The following COL21A1 variants were observed in gnomAD, a reference collection of about 807,000 sequenced individuals.
The protein encoded by COL21A1 is collagen alpha-1(XXI) chain.
COL21A1 carries 149 observed loss-of-function variants against 137.9 expected under a neutral mutation model. The observed-to-expected ratio is 1.08, with a 90% CI of 0.95 to 1.24. The LOEUF (loss-of-function observed/expected upper bound fraction) is 1.24, where lower values mean the gene tolerates loss of function less well. Among genes scored for constraint, COL21A1 ranks in the 50% most tolerant of loss-of-function variants. The pLI is 0.00. For missense variants in COL21A1, 1,167 were observed against 1,158.4 expected, an observed-to-expected ratio of 1.01 and a Z score of -0.11; for synonymous variants, 456 against 391.5, an observed-to-expected ratio of 1.16 and a Z score of -1.95.
intron 17 of COL21A1, 131 bp from the exon 18 acceptor site, chr6:56,077,704 C>A: frequency 1.8e-6 from 1 of 569,872 alleles, no homozygotes; most frequent in Non-Finnish European, 3.0e-6. Flanking sequence ...TATAATATTG[C>A]TATTTGTAAT....
At chr6:56,348,015 C>T (rs1765632138) in intron 1 of COL21A1, among the ~76,000 whole-genome samples, 1 of 152,148 alleles carries the variant, frequency 6.6e-6, no homozygotes, top group African/African-American at 2.4e-5. Flanking sequence ...CACATTACTA[C>T]ATACAGGAGT....
At chr6:56,358,323 C>A (rs1765884480) in intron 1 of COL21A1, among the ~76,000 whole-genome samples, 1 of 151,842 alleles carries the variant, frequency 6.6e-6, no homozygotes, top group African/African-American at 2.4e-5. Context: ...TGAAGATAAT[C>A]TGAAATTTTA....
intron 1 of COL21A1, among the ~76,000 whole-genome samples, chr6:56,311,297 A>T (rs2152339556): frequency 6.6e-6 from 1 of 152,284 alleles, no homozygotes. Flanking sequence ...GTTTGAAAAC[A>T]TGTGTTCCTA....
intron 17 of COL21A1, among the ~76,000 whole-genome samples, chr6:56,082,240 A>G (rs939796392): frequency 3.9e-5 from 6 of 151,940 alleles, no homozygotes; most frequent in Admixed American, 6.6e-5. Flanking sequence ...AAAGTCATGT[A>G]GCCACCAGAG....
At chr6:56,128,940 C>A (rs532348650) in intron 12 of COL21A1, among the ~76,000 whole-genome samples, 1 of 152,304 alleles carries the variant, frequency 6.6e-6, no homozygotes, top group South Asian at 2.1e-4. Context: ...CAGGCATGAG[C>A]CACCATGCTC....
chr6:56,335,766 CTTTA>C (rs1237994189), intron 1 of COL21A1, among the ~76,000 whole-genome samples: 2 of 152,262 alleles, frequency 1.3e-5, no homozygotes, highest in Middle Eastern at 3.4e-3. Context: ...TTTGTTTGGG[CTTTA>C]TTTATTCCCA....
chr6:56,211,449 A>G (rs1780172452), intron 1 of COL21A1, among the ~76,000 whole-genome samples: 1 of 151,996 alleles, frequency 6.6e-6, no homozygotes, highest in African/African-American at 2.4e-5. Context: ...TATGTCAGAA[A>G]TATTCTTTCC....
intron 1 of COL21A1, among the ~76,000 whole-genome samples, chr6:56,337,459 T>A (rs7760392): frequency 6.6e-6 from 1 of 152,120 alleles, no homozygotes; most frequent in Non-Finnish European, 1.5e-5. Context: ...AAAACTATCA[T>A]GATCAAAATG....
At chr6:56,172,474 A>T (rs1322034786) in intron 3 of COL21A1, among the ~76,000 whole-genome samples, 3 of 152,180 alleles carry the variant, frequency 2.0e-5, no homozygotes, top group Non-Finnish European at 4.4e-5. Context: ...TTTTCTAGAT[A>T]AACACAAGCT....
intron 17 of COL21A1, among the ~76,000 whole-genome samples, chr6:56,099,604 T>C (rs947970763): frequency 5.3e-5 from 8 of 151,972 alleles, no homozygotes; most frequent in African/African-American, 1.9e-4. Context: ...TCTTTTTCCT[T>C]CTTTTCTTCC....
chr6:56,098,668 TATATATATAA>T (rs1562194079), intron 17 of COL21A1, among the ~76,000 whole-genome samples: 1 of 48,964 alleles, frequency 2.0e-5, no homozygotes, highest in South Asian at 5.5e-4. Context: ...TATATATAAA[TATATATATAA>T]ATATATATAA....
intron 1 of COL21A1, among the ~76,000 whole-genome samples, chr6:56,318,910 C>CCA (rs70986800): frequency 0.83 from 126,195 of 151,420 alleles, 53,404 homozygotes; most frequent in South Asian, 0.98. Context: ...CCTTCCTACC[C>CCA]CACCTCCCCC....
At chr6:56,335,684 C>T (rs889405299) in intron 1 of COL21A1, among the ~76,000 whole-genome samples, 1 of 152,176 alleles carries the variant, frequency 6.6e-6, no homozygotes, top group Non-Finnish European at 1.5e-5. Context: ...TGTGTCCTTG[C>T]CAAAACACAA....
intron 21 of COL21A1, 99 bp downstream of exon 21, chr6:56,070,629 GGTAATCCTTAACTTCAT>G: frequency 7.9e-6 from 5 of 633,024 alleles, no homozygotes; most frequent in Non-Finnish European, 1.3e-5. Flanking sequence ...TCATGATAAA[GGTAATCCTTAACTTCAT>G]GTATCTCTTC....
intron 1 of COL21A1, among the ~76,000 whole-genome samples, chr6:56,231,383 A>C (rs1468924136): frequency 2.6e-5 from 4 of 151,940 alleles, no homozygotes; most frequent in Non-Finnish European, 5.9e-5. Context: ...GAGTCACAAT[A>C]TTCAGTTCTT....
At chr6:56,175,816 C>G (rs574527291) in intron 3 of COL21A1, among the ~76,000 whole-genome samples, 30 of 152,168 alleles carry the variant, frequency 2.0e-4, no homozygotes, top group African/African-American at 6.5e-4. Flanking sequence ...AGACCTCAAA[C>G]AGTCAAAACA....
chr6:56,299,201 T>A (rs1020292984), intron 1 of COL21A1, among the ~76,000 whole-genome samples: 1 of 152,116 alleles, frequency 6.6e-6, no homozygotes, highest in Non-Finnish European at 1.5e-5. Flanking sequence ...ATATATTCTA[T>A]CCAGCTAAAA....
At position 56,302,794 on chromosome 6, in the gene COL21A1, A is replaced by G. The variant is rs527347789; in HGVS notation, c.-39+91177T>C. Among the ~76,000 whole-genome samples the G allele has an allele frequency of 2.0e-4, 30 of 151,752 alleles. No individual in the cohort carries two copies. In the East Asian group the frequency reaches 4.8e-3, roughly 24 times the overall value. ...ATTGCTTTTGGTGTTTTAGACATGAAGTCCTTGCCCACACCTATGTCCTGA... is the reference window on the plus strand; with the variant it reads ...ATTGCTTTTGGTGTTTTAGACATGAGGTCCTTGCCCACACCTATGTCCTGA... On this transcript the variant is annotated intron_variant, in intron 1 of 28. Coordinates refer to the COL21A1 transcript ENST00000370819.
chr6:56,247,244 G>C (rs991875902), intron 1 of COL21A1, 143 bp downstream of exon 1: 1 of 152,286 alleles, frequency 6.6e-6, no homozygotes, highest in African/African-American at 2.4e-5. Context: ...TCACCGAACA[G>C]TTCACCAACT....
Sources: gnomAD v4.1 joint callset for allele counts (sites outside exome capture counted in the v4.1 genomes callset) on GRCh38, gnomAD v4.1.1 for gene constraint, MANE v1.5 for transcripts, NCBI Gene and HGNC (gene_info 2026-07-23, HGNC 2026-07-21) for gene names.